DHTKD1: variants seen among roughly 807,000 people sequenced by gnomAD.
The protein encoded by DHTKD1 is dehydrogenase E1 and transketolase domain containing 1.
A neutral mutation model predicts 101.8 loss-of-function variants in DHTKD1; 78 were observed. The observed-to-expected ratio is 0.77, with a 90% CI of 0.64 to 0.93. The LOEUF is 0.93. DHTKD1 is among the 40% of genes least tolerant of loss of function. The pLI, the probability that DHTKD1 is intolerant of heterozygous loss-of-function variation, is 0.00. For synonymous variants in DHTKD1, 462 were observed against 450.3 expected (o/e 1.03, Z -0.33); for missense variants, 1,223 against 1,161.7 (o/e 1.05, Z -0.77).
At chr10:12,105,509 G>C (rs2131619115) in intron 10 of DHTKD1, among the ~76,000 whole-genome samples, 1 of 151,960 alleles carries the variant, frequency 6.6e-6, no homozygotes, top group Non-Finnish European at 1.5e-5. Flanking sequence ...TTAGAGATGG[G>C]GTTTTGCCAT....
At chr10:12,086,018 T>C (rs574897739) in intron 3 of DHTKD1, among the ~76,000 whole-genome samples, 1 of 151,766 alleles carries the variant, frequency 6.6e-6, no homozygotes, top group Non-Finnish European at 1.5e-5. Flanking sequence ...TACAGGCACG[T>C]GCCACCACAC....
chr10:12,071,867 C>G (rs908455761), intron 1 of DHTKD1, among the ~76,000 whole-genome samples: 3 of 152,136 alleles, frequency 2.0e-5, no homozygotes, highest in African/African-American at 4.8e-5. Context: ...AAAGAGGGTT[C>G]TATATACGCA....
At chr10:12,070,924 C>G (rs1832642006) in intron 1 of DHTKD1, among the ~76,000 whole-genome samples, 2 of 152,224 alleles carry the variant, frequency 1.3e-5, no homozygotes, top group African/African-American at 2.4e-5. Context: ...CGCTCCTGAG[C>G]TACAGGCTTC....
At chr10:12,081,730 C>A in intron 2 of DHTKD1, 103 bp downstream of exon 2, 1 of 1,357,910 alleles carries the variant, frequency 7.4e-7, no homozygotes, top group East Asian at 2.4e-5. Context: ...CTGAGGCTCC[C>A]GCAGGTGTGA....
chr10:12,080,911 A>G (rs1336351822), intron 1 of DHTKD1, among the ~76,000 whole-genome samples: 1 of 151,778 alleles, frequency 6.6e-6, no homozygotes, highest in East Asian at 1.9e-4. Context: ...AACCAAAAAA[A>G]AAAAAATTAG....
chr10:12,089,366 C>T, intron 5 of DHTKD1, 111 bp downstream of exon 5: 1 of 1,064,520 alleles, frequency 9.4e-7, no homozygotes, highest in South Asian at 1.5e-5. Flanking sequence ...CTGAGATGAC[C>T]TTTTGGAAAA....
intron 7 of DHTKD1, among the ~76,000 whole-genome samples, chr10:12,095,759 G>C (rs1011689088): frequency 4.3e-5 from 6 of 138,220 alleles, no homozygotes; most frequent in African/African-American, 1.6e-4. Context: ...CTTGCAGTGA[G>C]CCCAGATCGC....
rs769632958 is a variant in DHTKD1 at position 12,081,622 on chromosome 10, C to G, written c.305C>G (p.Thr102Arg). The change falls in exon 2 of 17, where the codon ACG becomes AGG. Residue 102 changes from threonine to arginine, a missense_variant. Physicochemically the swap from Thr to Arg is moderately conservative, Grantham distance 71. Coordinates refer to ENST00000263035, the MANE Select transcript of DHTKD1 (RefSeq NM_018706.7). ...CAGACACTGCAGGGACCCTTCCACA[C>G]GGCAGGTATGGCTTCTGCACAGCAG... ...LVQTLQGPFHTAGLLNMGKEE... is the reference protein window; with the variant it reads ...LVQTLQGPFHRAGLLNMGKEE... 6.2e-7 allele frequency: 1 copy of G among 1,613,976 alleles called. No homozygotes were observed. Among genetic ancestry groups the G allele is most frequent in the African/African-American group, 1.3e-5 (1 of 74,916 alleles).
intron 2 of DHTKD1, among the ~76,000 whole-genome samples, chr10:12,082,902 C>T (rs574428871): frequency 8.5e-4 from 129 of 151,888 alleles, no homozygotes; most frequent in African/African-American, 2.7e-3. Context: ...TTTGGGAGGC[C>T]GAGGCGGGCA....
chr10:12,069,301 G>C (rs1832614114), intron 1 of DHTKD1, 114 bp downstream of exon 1: 3 of 664,258 alleles, frequency 4.5e-6, no homozygotes, highest in East Asian at 4.2e-5. Context: ...TGAACGCGCG[G>C]CCGGTGGGGA....
intron 15 of DHTKD1, 146 bp from the exon 16 acceptor site, chr10:12,120,036 G>A (rs1333800640): frequency 1.6e-6 from 1 of 635,636 alleles, no homozygotes; most frequent in Non-Finnish European, 2.9e-6. Flanking sequence ...CTGTTGTATG[G>A]GTACTTGAAG....
intron 15 of DHTKD1, among the ~76,000 whole-genome samples, chr10:12,119,306 AG>A (rs1223519616): frequency 6.8e-6 from 1 of 147,648 alleles, no homozygotes; most frequent in African/African-American, 2.5e-5. Context: ...TGTCAAAAAA[AG>A]ACACAAAAAC....
At chr10:12,105,611 G>C (rs1831361721) in intron 10 of DHTKD1, among the ~76,000 whole-genome samples, 1 of 152,130 alleles carries the variant, frequency 6.6e-6, no homozygotes, top group Non-Finnish European at 1.5e-5. Context: ...CCGGCCACAG[G>C]TTTTTGAAAA....
At chr10:12,099,797 T>C (rs1456499529) in intron 8 of DHTKD1, among the ~76,000 whole-genome samples, 2 of 24,250 alleles carry the variant, frequency 8.2e-5, no homozygotes, top group East Asian at 1.7e-3. Context: ...TCGTTGCTTT[T>C]TTTTTTTTTT....
intron 13 of DHTKD1, among the ~76,000 whole-genome samples, chr10:12,116,797 A>G (rs191450224): frequency 2.4e-4 from 36 of 151,106 alleles, no homozygotes; most frequent in Non-Finnish European, 4.3e-4. Flanking sequence ...CCCAAGCTCA[A>G]ACTTCTAGCC....
intron 1 of DHTKD1, among the ~76,000 whole-genome samples, chr10:12,070,505 C>T (rs75243399): frequency 4.3e-3 from 647 of 151,906 alleles, no homozygotes; most frequent in African/African-American, 0.015. Context: ...TTTTTTAATC[C>T]TAAAATGGAG....
At chr10:12,112,094 C>T (rs1177262082) in intron 12 of DHTKD1, among the ~76,000 whole-genome samples, 3 of 151,958 alleles carry the variant, frequency 2.0e-5, no homozygotes, top group Admixed American at 6.6e-5. Flanking sequence ...GCGGGAGGAT[C>T]GCTTGAACCC....
chr10:12,069,051 G>A lies in DHTKD1; in HGVS notation c.18G>A (p.Ala6=). The part of the protein sequence containing the change: MASAT[A]AAARRGLGRA... ...TGGTGAACATGGCCTCTGCTACTGC[G>A]GCAGCAGCACGACGGGGCCTCGGCC... The change falls in exon 1 of 17, where the codon GCG becomes GCA. Residue 6 remains alanine (A), a synonymous_variant. Coordinates refer to ENST00000263035, the MANE Select transcript of DHTKD1 (RefSeq NM_018706.7). 1 of 1,613,258 alleles carries A rather than the reference G, an allele frequency of 6.2e-7. No individual in the cohort carries two copies. The highest frequency in any genetic ancestry group is 1.1e-5 in the South Asian group (1 of 91,064).
chr10:12,087,560 A>T lies in DHTKD1; in HGVS notation c.548A>T (p.Lys183Met). ...SQEFDHFLAT[K>M]FSTVKRYGGE... ...GAGTTTGACCACTTTCTGGCCACCA[A>T]GTTCTCGACAGTGAAGCGATATGGA... Residue 183 changes from lysine (K) to methionine (M), a missense_variant, in exon 4 of 17, where the codon AAG (lysine) becomes ATG (methionine). Lys to Met is a moderately conservative substitution (Grantham distance 95). Coordinates refer to ENST00000263035, the MANE Select transcript of DHTKD1 (RefSeq NM_018706.7). This position sits in a 1 kb window ranked among gnomAD's most constrained non-coding sequence, Gnocchi z 5.2. The T allele has an allele frequency of 6.2e-7, 1 of 1,604,448 alleles. No individual in the cohort carries two copies. Among genetic ancestry groups the T allele is most frequent in the Non-Finnish European group, 8.5e-7 (1 of 1,175,524 alleles).
Sources: gnomAD v4.1 joint callset for allele counts (sites outside exome capture counted in the v4.1 genomes callset) on GRCh38, gnomAD v4.1.1 for gene constraint, Gnocchi (gnomAD v3.1) non-coding constraint, MANE v1.5 for transcripts, NCBI Gene and HGNC (gene_info 2026-07-23, HGNC 2026-07-21) for gene names.